GPC5: variants seen among roughly 807,000 people sequenced by gnomAD.
The protein encoded by GPC5 is glypican 5, also known as glypican-5.
In GPC5, 47 loss-of-function variants were observed where a neutral mutation model predicts 53.9. The observed-to-expected ratio is 0.87, with a 90% CI of 0.69 to 1.11. The LOEUF is 1.11. Ranked by LOEUF, GPC5 falls within the 50% of genes most tolerant of loss-of-function variation. The pLI is 0.00. For missense variants in GPC5, 748 were observed against 713.1 expected, an observed-to-expected ratio of 1.05 and a Z score of -0.56; for synonymous variants, 286 against 263.3, an observed-to-expected ratio of 1.09 and a Z score of -0.84.
chr13:92,835,444 A>G (rs544036428), intron 7 of GPC5, among the ~76,000 whole-genome samples: 1 of 152,134 alleles, frequency 6.6e-6, no homozygotes, highest in South Asian at 2.1e-4. Flanking sequence ...GTTTTTCTGT[A>G]TCTTGATTTT....
chr13:91,966,967 A>G (rs1027557927), intron 6 of GPC5, among the ~76,000 whole-genome samples: 3 of 152,206 alleles, frequency 2.0e-5, no homozygotes, highest in African/African-American at 7.2e-5. Context: ...TGTTAAAGTA[A>G]CACTTATTTG....
At chr13:91,676,060 C>CTTTG (rs1174723138) in intron 2 of GPC5, among the ~76,000 whole-genome samples, 2 of 151,992 alleles carry the variant, frequency 1.3e-5, no homozygotes, top group Admixed American at 6.6e-5. Flanking sequence ...GAGCCTTTGG[C>CTTTG]TTTGTTTGTT....
chr13:92,630,412 C>T (rs1037690168), intron 7 of GPC5, among the ~76,000 whole-genome samples: 1 of 152,076 alleles, frequency 6.6e-6, no homozygotes, highest in African/African-American at 2.4e-5. Context: ...CTTATTAGCA[C>T]ATTATTATTT....
At chr13:92,208,749 A>T (rs892143592) in intron 7 of GPC5, among the ~76,000 whole-genome samples, 57 of 152,236 alleles carry the variant, frequency 3.7e-4, no homozygotes, top group Non-Finnish European at 7.2e-4. Context: ...ACACAAACTT[A>T]AATAGACAGG....
intron 2 of GPC5, among the ~76,000 whole-genome samples, chr13:91,559,569 G>A (rs942129623): frequency 1.5e-4 from 23 of 152,258 alleles, no homozygotes; most frequent in African/African-American, 4.6e-4. Context: ...TACTAATTGG[G>A]AAAGAATAGA....
intron 5 of GPC5, among the ~76,000 whole-genome samples, chr13:91,794,765 C>A (rs983095425): frequency 1.3e-5 from 2 of 152,192 alleles, no homozygotes; most frequent in Admixed American, 1.3e-4. Context: ...TCAAACAGTG[C>A]AGTGGGCTAC....
chr13:92,391,491 A>G (rs1232410335), intron 7 of GPC5, among the ~76,000 whole-genome samples: 1 of 152,092 alleles, frequency 6.6e-6, no homozygotes, highest in Non-Finnish European at 1.5e-5. Flanking sequence ...TTGCTGGGGA[A>G]CTTTGATGCT....
chr13:91,891,384 A>C (rs1467690344), intron 5 of GPC5, among the ~76,000 whole-genome samples: 2 of 152,172 alleles, frequency 1.3e-5, no homozygotes, highest in Non-Finnish European at 2.9e-5. Flanking sequence ...CTTTGAAGGC[A>C]GATGTTCTTT....
chr13:91,879,057 C>T (rs1413830920), intron 5 of GPC5, among the ~76,000 whole-genome samples: 1 of 151,912 alleles, frequency 6.6e-6, no homozygotes, highest in Non-Finnish European at 1.5e-5. Context: ...TTATATGGCA[C>T]ATATCACAGA....
chr13:92,606,244 A>G (rs1184616431), intron 7 of GPC5, among the ~76,000 whole-genome samples: 1 of 151,826 alleles, frequency 6.6e-6, no homozygotes, highest in African/African-American at 2.4e-5. Flanking sequence ...CCCTTCCCCC[A>G]ACTCCACGAC....
intron 2 of GPC5, among the ~76,000 whole-genome samples, chr13:91,667,353 T>G (rs1484069487): frequency 6.6e-6 from 1 of 152,190 alleles, no homozygotes; most frequent in Non-Finnish European, 1.5e-5. Context: ...GCCTTCTCTT[T>G]TATTTAATTA....
intron 6 of GPC5, among the ~76,000 whole-genome samples, chr13:92,040,660 A>G (rs1341956179): frequency 6.6e-5 from 10 of 152,078 alleles, no homozygotes; most frequent in Non-Finnish European, 1.3e-4. Context: ...CCTTTAACCC[A>G]CTGCTGCTAC....
intron 6 of GPC5, among the ~76,000 whole-genome samples, chr13:91,915,009 A>T (rs1322749856): frequency 1.3e-5 from 2 of 152,070 alleles, no homozygotes; most frequent in African/African-American, 4.8e-5. Flanking sequence ...CTGTGAACTT[A>T]TTTCACTTGT....
At chr13:91,650,953 C>G (rs1321371021) in intron 2 of GPC5, among the ~76,000 whole-genome samples, 1 of 151,960 alleles carries the variant, frequency 6.6e-6, no homozygotes, top group African/African-American at 2.4e-5. Context: ...GAGTATATTT[C>G]TAACATTGCT....
intron 7 of GPC5, among the ~76,000 whole-genome samples, chr13:92,646,429 T>A (rs1347179039): frequency 6.6e-6 from 1 of 152,102 alleles, no homozygotes; most frequent in Non-Finnish European, 1.5e-5. Context: ...AGCTTTATAG[T>A]GTGACTTTAA....
At chr13:92,331,998 A>G (rs1416868075) in intron 7 of GPC5, among the ~76,000 whole-genome samples, 1 of 152,186 alleles carries the variant, frequency 6.6e-6, no homozygotes, top group Non-Finnish European at 1.5e-5. Flanking sequence ...TACAGAAGCA[A>G]TTCAATGTAT....
At chr13:91,873,506 C>T (rs1186149717) in intron 5 of GPC5, among the ~76,000 whole-genome samples, 1 of 152,090 alleles carries the variant, frequency 6.6e-6, no homozygotes, top group Non-Finnish European at 1.5e-5. Flanking sequence ...GAATAAGTCT[C>T]ACAAGATCCA....
At chr13:91,996,321 C>T (rs1366911161) in intron 6 of GPC5, 2 of 152,250 alleles carry the variant, frequency 1.3e-5, no homozygotes, top group Non-Finnish European at 2.9e-5. Flanking sequence ...AACATCTTCT[C>T]TCTAGCCCAG....
At chr13:91,700,987 C>T (rs528463124) in intron 3 of GPC5, among the ~76,000 whole-genome samples, 13 of 152,266 alleles carry the variant, frequency 8.5e-5, no homozygotes, top group African/African-American at 3.1e-4. Flanking sequence ...GCTGCTTTGA[C>T]AATCCTCCGG....
Sources: gnomAD v4.1 joint callset for allele counts (sites outside exome capture counted in the v4.1 genomes callset) on GRCh38, gnomAD v4.1.1 for gene constraint, MANE v1.5 for transcripts, NCBI Gene and HGNC (gene_info 2026-07-23, HGNC 2026-07-21) for gene names.